Variants in RASA3 observed in about 807,000 individuals in gnomAD.
The protein encoded by RASA3 is RAS p21 protein activator 3.
Under a neutral mutation model 110.0 loss-of-function variants are expected in RASA3, and 73 were observed. The observed-to-expected ratio is 0.66, with a 90% confidence interval of 0.55 to 0.81. The LOEUF (loss-of-function observed/expected upper bound fraction) is 0.81. RASA3 is among the 30% of genes least tolerant of loss of function. The probability of loss-of-function intolerance (pLI) is 0.00; values close to 1 mark genes in which losing one functional copy is unlikely to be tolerated. For synonymous variants in RASA3, 500 were observed against 451.4 expected (o/e 1.11, Z -1.37); for missense variants, 976 against 1,113.2 (o/e 0.88, Z 1.75).
At chr13:114,081,867 C>T (rs1002472910) in intron 1 of RASA3, among the ~76,000 whole-genome samples, 2 of 152,328 alleles carry the variant, frequency 1.3e-5, no homozygotes, top group East Asian at 1.9e-4. Flanking sequence ...GTTCCTAGCG[C>T]AGCAGAGCCT....
At chr13:114,033,897 A>G (rs1208958335) in intron 4 of RASA3, among the ~76,000 whole-genome samples, 1 of 152,234 alleles carries the variant, frequency 6.6e-6, no homozygotes, top group Non-Finnish European at 1.5e-5. Flanking sequence ...ACCCCACGCC[A>G]GCACTGTGGG....
At chr13:114,092,147 C>A (rs2079896852) in intron 1 of RASA3, among the ~76,000 whole-genome samples, 1 of 151,210 alleles carries the variant, frequency 6.6e-6, no homozygotes, top group Non-Finnish European at 1.5e-5. Flanking sequence ...TCTTTTGTCT[C>A]TTTTGTCTCA....
At chr13:114,016,473 C>T (rs1488603144) in intron 12 of RASA3, among the ~76,000 whole-genome samples, 1 of 152,240 alleles carries the variant, frequency 6.6e-6, no homozygotes, top group East Asian at 1.9e-4. Flanking sequence ...GGTGTCGTCC[C>T]GAGCCTCAGC....
chr13:114,052,194 C>T, intron 2 of RASA3, 39 bp from the exon 3 acceptor site: 1 of 1,415,402 alleles, frequency 7.1e-7, no homozygotes, highest in Non-Finnish European at 1.0e-6. Flanking sequence ...GAACACAGGC[C>T]ACGCTTGCGC....
intron 1 of RASA3, among the ~76,000 whole-genome samples, chr13:114,102,649 G>A (rs559963088): frequency 1.3e-5 from 2 of 152,312 alleles, no homozygotes; most frequent in African/African-American, 4.8e-5. Context: ...CCGGTGGCAG[G>A]GGCAGAAGTG....
intron 7 of RASA3, among the ~76,000 whole-genome samples, chr13:114,026,639 T>G (rs1187423985): frequency 2.0e-5 from 3 of 152,224 alleles, no homozygotes; most frequent in Non-Finnish European, 4.4e-5. Context: ...TCAGCCATCA[T>G]GGCTCAGGGG....
At chr13:114,122,719 G>A (rs896696480) in intron 1 of RASA3, among the ~76,000 whole-genome samples, 3 of 151,506 alleles carry the variant, frequency 2.0e-5, no homozygotes, top group South Asian at 2.1e-4. Context: ...ACAGGGGGAC[G>A]CAGCTAGGAA....
At chr13:114,099,496 C>T (rs140299288) in intron 1 of RASA3, among the ~76,000 whole-genome samples, 102 of 151,848 alleles carry the variant, frequency 6.7e-4, no homozygotes, top group East Asian at 3.3e-3. Context: ...CTCTGGTCAG[C>T]GCTTCTCAGA....
At chr13:114,042,773 G>T (rs2054440976) in intron 3 of RASA3, among the ~76,000 whole-genome samples, 1 of 152,218 alleles carries the variant, frequency 6.6e-6, no homozygotes, top group Admixed American at 6.5e-5. Flanking sequence ...GCAGCCACAT[G>T]CTTGGGCCTG....
chr13:114,066,396 C>T (rs964080639), intron 2 of RASA3, among the ~76,000 whole-genome samples: 2 of 152,144 alleles, frequency 1.3e-5, no homozygotes, highest in Non-Finnish European at 2.9e-5. Flanking sequence ...GGCCAGCGGC[C>T]GAGGAGCGGG....
chr13:114,074,426 GC>G (rs2079632957), intron 1 of RASA3, among the ~76,000 whole-genome samples: 1 of 152,212 alleles, frequency 6.6e-6, no homozygotes, highest in Admixed American at 6.5e-5. Flanking sequence ...CTCCAGGGTG[GC>G]CCCTGCTGTG....
intron 22 of RASA3, among the ~76,000 whole-genome samples, chr13:113,989,453 C>T (rs1400685496): frequency 6.7e-6 from 1 of 148,656 alleles, no homozygotes; most frequent in Admixed American, 6.7e-5. Flanking sequence ...TCCATCCACC[C>T]GTCACTCACC....
intron 2 of RASA3, among the ~76,000 whole-genome samples, chr13:114,053,758 G>T (rs1202396004): frequency 5.3e-5 from 8 of 152,026 alleles, no homozygotes; most frequent in Non-Finnish European, 1.2e-4. Flanking sequence ...AGTGCCAAAA[G>T]AAAAATAAAT....
Position 114,034,260 on chromosome 13 carries a change from C to T in RASA3, c.373-4373G>A, listed in dbSNP as rs765457321. On this transcript the variant is annotated intron_variant, in intron 4 of 23. Transcript: ENST00000334062. ...CCAAGAATCCCCACTGCTTCATCCC[C>T]GTTCTCAAATGCCGGGCGCAAACTC... 7.2e-4 allele frequency among the ~76,000 whole-genome samples: 109 copies of T among 152,378 alleles called. 2 individuals carry two copies. Among genetic ancestry groups the T allele is most frequent in the Non-Finnish European group, 9.3e-4 (63 of 68,036 alleles).
chr13:113,980,084 A>T lies in RASA3; in HGVS notation c.2430-662T>A, dbSNP rs79088152. ...GCACCTCCTCCCATGTGTGTGCACC[A>T]CCTCCCACGTGTGTGCACCCCTCTC... On this transcript the variant is annotated intron_variant, in intron 23 of 23. Coordinates refer to ENST00000334062, the MANE Select transcript of RASA3 (RefSeq NM_007368.4). Among the ~76,000 whole-genome samples, 198 of 134,278 alleles carry T rather than the reference A, an allele frequency of 1.5e-3. 2 individuals carry two copies. The highest frequency in any genetic ancestry group is 0.014 in the South Asian group (60 of 4,186). The allele number at this position is 134,278 out of a possible 152,430, so 88.1% of individuals were successfully genotyped here.
At chr13:114,004,853 C>A (rs907542493) in intron 18 of RASA3, among the ~76,000 whole-genome samples, 1 of 152,208 alleles carries the variant, frequency 6.6e-6, no homozygotes, top group Non-Finnish European at 1.5e-5. Flanking sequence ...CTCACAACAG[C>A]AAAGACACGG....
At chr13:114,058,233 C>A (rs1397323363) in intron 2 of RASA3, among the ~76,000 whole-genome samples, 2 of 152,198 alleles carry the variant, frequency 1.3e-5, no homozygotes, top group African/African-American at 4.8e-5. Flanking sequence ...CCATGAGCCC[C>A]ATGGAGACCA....
chr13:113,977,800 T>C lies in RASA3; in HGVS notation c.*1547A>G, dbSNP rs917470451. The C allele has an allele frequency of 2.0e-5, 3 of 152,226 alleles. No homozygotes were observed. The highest frequency in any genetic ancestry group is 4.4e-5 in the Non-Finnish European group (3 of 68,024). 9.4% of individuals were successfully genotyped at this position (152,226 alleles called of 1,614,324 possible). ...GGCAGTCCTCAGAAAGAATAAAACATCTGTTTTAATTGGCCAGTAAAATAC... is the reference window on the plus strand; with the variant it reads ...GGCAGTCCTCAGAAAGAATAAAACACCTGTTTTAATTGGCCAGTAAAATAC... On this transcript the variant is annotated 3_prime_UTR_variant, in exon 24 of 24. Coordinates refer to ENST00000334062, the MANE Select transcript of RASA3 (RefSeq NM_007368.4).
intron 1 of RASA3, among the ~76,000 whole-genome samples, chr13:114,106,523 TTTAAACA>T (rs1594462862): frequency 6.6e-6 from 1 of 152,202 alleles, no homozygotes; most frequent in Admixed American, 6.5e-5. Flanking sequence ...CCTAATGAAG[TTTAAACA>T]TAAAATATAA....
Sources: allele counts gnomAD v4.1 joint callset (sites outside exome capture counted in the v4.1 genomes callset), GRCh38; gene constraint gnomAD v4.1.1; transcripts MANE v1.5; gene names NCBI Gene and HGNC (gene_info 2026-07-23, HGNC 2026-07-21).